Variants in CSTPP1 observed in about 807,000 individuals in gnomAD.
The protein encoded by CSTPP1 is centriolar satellite-associated tubulin polyglutamylase complex regulator 1.
At chr11:47,078,214 T>C in the CSTPP1 span, among the ~76,000 whole-genome samples, 1 of 152,244 alleles carries the variant, frequency 6.6e-6, no homozygotes, top group African/African-American at 2.4e-5. Context: ...TCAGTGAGTT[T>C]TGTTAAGTAT....
the CSTPP1 span, among the ~76,000 whole-genome samples, chr11:46,996,221 CTCTT>C: frequency 6.6e-6 from 1 of 152,140 alleles, no homozygotes; most frequent in Admixed American, 6.5e-5. Context: ...TGGGTCTTGA[CTCTT>C]TATCCAATTT....
chr11:47,009,758 A>G, the CSTPP1 span, among the ~76,000 whole-genome samples: 4 of 152,048 alleles, frequency 2.6e-5, no homozygotes, highest in African/African-American at 9.7e-5. Flanking sequence ...CAGTGACCCA[A>G]GATCGCACTA....
chr11:47,122,091 A>AAAAAAAATAT, the CSTPP1 span, among the ~76,000 whole-genome samples: 17 of 31,834 alleles, frequency 5.3e-4, no homozygotes, highest in African/African-American at 9.7e-4. Context: ...AAAAAAAAAA[A>AAAAAAAATAT]ATATATATAT....
the CSTPP1 span, among the ~76,000 whole-genome samples, chr11:47,103,531 C>T: frequency 9.2e-5 from 14 of 152,114 alleles, no homozygotes; most frequent in African/African-American, 2.9e-4. Flanking sequence ...CATATTCTTC[C>T]TTCCACCTTT....
At chr11:47,066,112 T>TG in the CSTPP1 span, among the ~76,000 whole-genome samples, 1,695 of 19,150 alleles carry the variant, frequency 0.089, 20 homozygotes, top group Middle Eastern at 0.24. Flanking sequence ...TTTTTTTTTT[T>TG]TTTTTGTTTG....
chr11:47,122,091 AATATATATATAT>A, the CSTPP1 span, among the ~76,000 whole-genome samples: 5 of 31,836 alleles, frequency 1.6e-4, no homozygotes, highest in African/African-American at 3.9e-4. Flanking sequence ...AAAAAAAAAA[AATATATATATAT>A]ATATATATAT....
At chr11:46,954,528 G>A in the CSTPP1 span, among the ~76,000 whole-genome samples, 1 of 151,952 alleles carries the variant, frequency 6.6e-6, no homozygotes, top group Non-Finnish European at 1.5e-5. Context: ...CAGCCTGGGC[G>A]ACACAGTGAG....
the CSTPP1 span, among the ~76,000 whole-genome samples, chr11:46,965,821 T>C: frequency 5.9e-5 from 9 of 152,216 alleles, no homozygotes; most frequent in Admixed American, 4.6e-4. Flanking sequence ...ACAGGTTAGT[T>C]GCATTGTGAA....
chr11:46,949,518 G>A, the CSTPP1 span, among the ~76,000 whole-genome samples: 1 of 151,816 alleles, frequency 6.6e-6, no homozygotes, highest in Non-Finnish European at 1.5e-5. Flanking sequence ...CTGAACATAG[G>A]GACTGTTTTG....
the CSTPP1 span, chr11:47,155,192 G>A: frequency 2.2e-5 from 36 of 1,613,096 alleles, no homozygotes; most frequent in South Asian, 9.9e-5. Flanking sequence ...GCTCATGGAC[G>A]ATGCCATGGA....
At chr11:47,114,824 C>A in the CSTPP1 span, among the ~76,000 whole-genome samples, 1 of 152,174 alleles carries the variant, frequency 6.6e-6, no homozygotes, top group African/African-American at 2.4e-5. Flanking sequence ...CCCTTTATTT[C>A]TTTCTCTTGC....
At chr11:46,948,137 C>T in the CSTPP1 span, 1 of 456,298 alleles carries the variant, frequency 2.2e-6, no homozygotes, top group Non-Finnish European at 4.4e-6. Context: ...CCATGGTTCT[C>T]ATGCCCCAAA....
chr11:47,075,075 C>T, the CSTPP1 span, among the ~76,000 whole-genome samples: 1 of 152,168 alleles, frequency 6.6e-6, no homozygotes, highest in Non-Finnish European at 1.5e-5. Flanking sequence ...GTAGAGCACA[C>T]TAAAATTGTA....
At chr11:46,942,017 G>T in the CSTPP1 span, among the ~76,000 whole-genome samples, 1 of 152,192 alleles carries the variant, frequency 6.6e-6, no homozygotes, top group Non-Finnish European at 1.5e-5. Context: ...TATTAGTGAA[G>T]AAATCAATCT....
chr11:46,976,142 A>C, the CSTPP1 span, among the ~76,000 whole-genome samples: 1 of 152,330 alleles, frequency 6.6e-6, no homozygotes, highest in African/African-American at 2.4e-5. Context: ...GAACCCTCAG[A>C]GGAACTATAG....
the CSTPP1 span, among the ~76,000 whole-genome samples, chr11:46,944,796 G>C: frequency 1.3e-5 from 2 of 152,052 alleles, no homozygotes; most frequent in Admixed American, 1.3e-4. Context: ...AGACTCCTCC[G>C]GCTTCCTTCC....
At chr11:47,019,634 T>A in the CSTPP1 span, among the ~76,000 whole-genome samples, 2 of 152,152 alleles carry the variant, frequency 1.3e-5, no homozygotes, top group African/African-American at 4.8e-5. Flanking sequence ...ATTGATTAAG[T>A]TCACCCTCCT....
chr11:46,955,779 G>T, the CSTPP1 span, among the ~76,000 whole-genome samples: 74 of 150,414 alleles, frequency 4.9e-4, no homozygotes, highest in Admixed American at 9.3e-4. Context: ...ATCACCTGAG[G>T]TCAGGAGTTC....
the CSTPP1 span, chr11:47,159,743 C>T: frequency 8.8e-5 from 40 of 455,042 alleles, no homozygotes; most frequent in African/African-American, 4.8e-4. Flanking sequence ...TGGTGGCTCA[C>T]GCCTGTAATC....
Sources: allele counts gnomAD v4.1 joint callset (sites outside exome capture counted in the v4.1 genomes callset), GRCh38; gene constraint gnomAD v4.1.1; transcripts MANE v1.5; gene names NCBI Gene and HGNC (gene_info 2026-07-23, HGNC 2026-07-21).